Variants in SYNJ2 observed in about 807,000 individuals in gnomAD.
The protein encoded by SYNJ2 is synaptojanin 2.
A neutral mutation model predicts 141.3 loss-of-function variants in SYNJ2; 116 were observed. That is an observed-to-expected ratio of 0.82 (90% CI 0.71 to 0.96). SYNJ2 has a LOEUF of 0.96. Among genes scored for constraint, SYNJ2 ranks in the 40% least tolerant of loss-of-function variants. The pLI is 0.00. For synonymous variants in SYNJ2, 745 were observed against 777.7 expected (o/e 0.96, Z 0.70); for missense variants, 1,873 against 1,934.8 (o/e 0.97, Z 0.60).
chr6:158,087,043 G>T, intron 23 of SYNJ2, 54 bp downstream of exon 23: 1 of 1,565,984 alleles, frequency 6.4e-7, no homozygotes, highest in Non-Finnish European at 8.6e-7. Flanking sequence ...ATAACCGCGC[G>T]TTCCCTGCTA....
At chr6:158,013,477 A>C (rs1283716343) in intron 1 of SYNJ2, among the ~76,000 whole-genome samples, 1 of 152,140 alleles carries the variant, frequency 6.6e-6, no homozygotes, top group African/African-American at 2.4e-5. Flanking sequence ...TTCCTCTGTC[A>C]CCCCAGGTGA....
rs762486517 is a variant in SYNJ2 at position 158,078,296 on chromosome 6, TC to T, written c.2567+17del. The T allele has an allele frequency of 1.3e-6, 2 of 1,571,792 alleles. No individual in the cohort carries two copies. The highest frequency in any genetic ancestry group is 1.8e-6 in the Non-Finnish European group (2 of 1,142,572). On this transcript the variant is annotated intron_variant, in intron 18 of 26. Transcript: ENST00000355585. ...TCTGATCACAGGTGAGGTCCTGACTTCCATGGCGTTTTCTCCTGTGCTGGGC... is the reference window on the plus strand; with the variant it reads ...TCTGATCACAGGTGAGGTCCTGACTTCATGGCGTTTTCTCCTGTGCTGGGC...
chr6:158,083,559 A>G lies in SYNJ2; in HGVS notation c.2996A>G (p.Glu999Gly). The G allele has an allele frequency of 6.2e-7, 1 of 1,614,146 alleles. No homozygotes were observed. The highest frequency in any genetic ancestry group is 8.5e-7 in the Non-Finnish European group (1 of 1,180,030). ...ACTGCCAACTCCTGTTTGCTGGAGG[A>G]AAACTTTGACTTCACAAGTTTGGAC... Reference protein sequence around the residue: ...SPTANSCLLEENFDFTSLDYE... With the variant: ...SPTANSCLLEGNFDFTSLDYE... Residue 999 changes from glutamate to glycine, a missense_variant, in exon 21 of 27, where the codon GAA becomes GGA. Transcript: ENST00000355585.
At chr6:157,990,133 G>A (rs1023831474) in intron 1 of SYNJ2, among the ~76,000 whole-genome samples, 28 of 152,352 alleles carry the variant, frequency 1.8e-4, no homozygotes, top group African/African-American at 6.5e-4. Flanking sequence ...TCGGAGCAGC[G>A]GATTCACTGG....
intron 8 of SYNJ2, 59 bp from the exon 9 acceptor site, chr6:158,063,732 T>C: frequency 7.6e-7 from 1 of 1,313,730 alleles, no homozygotes. Context: ...GCCTCTGTGC[T>C]ATGGCCACTG....
intron 1 of SYNJ2, among the ~76,000 whole-genome samples, chr6:158,002,713 T>G (rs967622997): frequency 3.3e-5 from 5 of 152,090 alleles, no homozygotes; most frequent in African/African-American, 1.2e-4. Flanking sequence ...TTTTTGTGCT[T>G]CTTTCTTGTT....
intron 1 of SYNJ2, among the ~76,000 whole-genome samples, chr6:157,994,417 G>T (rs1777568981): frequency 6.6e-6 from 1 of 152,176 alleles, no homozygotes; most frequent in African/African-American, 2.4e-5. Context: ...GAGGTTGTTT[G>T]TTTTTATTTA....
At chr6:158,000,476 G>A (rs189294780) in intron 1 of SYNJ2, among the ~76,000 whole-genome samples, 1 of 152,110 alleles carries the variant, frequency 6.6e-6, no homozygotes, top group African/African-American at 2.4e-5. Flanking sequence ...CCGTCTCATA[G>A]CCCCTCTAAC....
chr6:158,017,265 C>G lies in SYNJ2; in HGVS notation c.189C>G (p.Cys63Trp), dbSNP rs527793217. ...QYGKLTDAYG[C>W]LGELRLKSGG... ...GCAAGCTCACGGACGCGTACGGCTG[C>G]CTGGGGGAGCTGAGGCTGAAATCTG... The change falls in exon 2 of 27, where the codon TGC (cysteine) becomes TGG (tryptophan). Residue 63 changes from cysteine (C) to tryptophan (W), a missense_variant. By Grantham distance (215) the Cys-to-Trp change is radical. Transcript: ENST00000355585. 6.2e-7 allele frequency: 1 copy of G among 1,613,734 alleles called. No individual in the cohort carries two copies. Among genetic ancestry groups the G allele is most frequent in the African/African-American group, 1.3e-5 (1 of 75,008 alleles).
At chr6:158,090,497 A>G (rs967140264) in intron 25 of SYNJ2, among the ~76,000 whole-genome samples, 3 of 147,200 alleles carry the variant, frequency 2.0e-5, no homozygotes, top group Non-Finnish European at 3.0e-5. Flanking sequence ...TTGTTCCAGA[A>G]TCTCCTAGAG....
chr6:158,019,825 G>A (rs1359946716), intron 2 of SYNJ2, among the ~76,000 whole-genome samples: 2 of 152,260 alleles, frequency 1.3e-5, no homozygotes, highest in Admixed American at 1.3e-4. Flanking sequence ...ATTCTGGAAA[G>A]CACCCTGAGC....
At chr6:158,073,060 AC>A (rs1562384232) in intron 15 of SYNJ2, among the ~76,000 whole-genome samples, 1 of 102,106 alleles carries the variant, frequency 9.8e-6, no homozygotes, top group Non-Finnish European at 2.0e-5. Context: ...ACAGAGCGAG[AC>A]TCTGTCTAAA....
chr6:158,028,122 G>A, intron 2 of SYNJ2: 1 of 153,828 alleles, frequency 6.5e-6, no homozygotes, highest in Non-Finnish European at 1.4e-5. Context: ...GCTCAGGAGA[G>A]CAGCCGGCTG....
intron 5 of SYNJ2, among the ~76,000 whole-genome samples, chr6:158,045,150 C>G (rs1780170540): frequency 6.8e-6 from 1 of 146,772 alleles, no homozygotes; most frequent in African/African-American, 2.5e-5. Context: ...CTCTGTTGCC[C>G]AGGCTGGAGT....
Position 158,059,282 on chromosome 6 carries a change from T to C in SYNJ2, c.883T>C (p.Tyr295His), listed in dbSNP as rs901532450. The C allele has an allele frequency of 2.5e-5, 39 of 1,550,194 alleles. No individual in the cohort carries two copies. Among genetic ancestry groups the C allele is most frequent in the Non-Finnish European group, 3.1e-5 (36 of 1,146,802 alleles). Residue 295 changes from tyrosine to histidine, a missense_variant, in exon 7 of 27, where the codon TAC becomes CAC. Tyr to His is a moderately conservative substitution (Grantham distance 83). Transcript: ENST00000355585. The part of the protein sequence containing the change: ...DRHMVLLKEQ[Y>H]GQQVVVNLLG... ...GCACATGGTGCTTCTGAAGGAGCAGTACGGGCAGCAGGTGGTCGTGAACCT... is the reference window on the plus strand; with the variant it reads ...GCACATGGTGCTTCTGAAGGAGCAGCACGGGCAGCAGGTGGTCGTGAACCT...
At chr6:158,095,114 A>T (rs941864231) in intron 26 of SYNJ2, among the ~76,000 whole-genome samples, 1 of 151,318 alleles carries the variant, frequency 6.6e-6, no homozygotes, top group African/African-American at 2.4e-5. Context: ...GCGCCATTGC[A>T]CTCCAGCCTG....
rs1031894711 is a variant in SYNJ2, at chr6:158,097,963, T to C, written c.*1599T>C. The C allele has an allele frequency of 6.6e-6, 1 of 152,108 alleles. No individual in the cohort carries two copies. Among genetic ancestry groups the C allele is most frequent in the Non-Finnish European group, 1.5e-5 (1 of 68,026 alleles). The allele number at this position is 152,108 out of a possible 1,614,324, so 9.4% of individuals were successfully genotyped here. On this transcript the variant is annotated 3_prime_UTR_variant, in exon 27 of 27. Coordinates refer to ENST00000355585, the MANE Select transcript of SYNJ2 (RefSeq NM_003898.4). ...GTTGGTGGCATTTACGTGCTTTATA[T>C]GATTTTTACCTCTGTAACAAACACA...
intron 1 of SYNJ2, among the ~76,000 whole-genome samples, chr6:157,992,042 T>C (rs535413162): frequency 6.6e-6 from 1 of 152,360 alleles, no homozygotes; most frequent in South Asian, 2.1e-4. Flanking sequence ...CATGAGATAT[T>C]TTGATACAGG....
rs752174550 is a variant in SYNJ2, at chr6:158,095,867, G to A, written c.3994G>A (p.Val1332Ile). The A allele has an allele frequency of 6.2e-7, 1 of 1,613,974 alleles. No individual in the cohort carries two copies. The highest frequency in any genetic ancestry group is 1.3e-5 in the African/African-American group (1 of 74,918). ...GGAGGCGCCGCCTCTTGTGCCCAAG[G>A]TACCCCCGAGGAGGAAGAAGTCAGC... ...PLEAPPLVPKVPPRRKKSAPA... is the reference protein window; with the variant it reads ...PLEAPPLVPKIPPRRKKSAPA... Residue 1332 changes from valine (V) to isoleucine (I), a missense_variant, in exon 27 of 27, where the codon GTA becomes ATA. Val to Ile is a conservative substitution (Grantham distance 29, BLOSUM62 3). Coordinates refer to ENST00000355585, the MANE Select transcript of SYNJ2 (RefSeq NM_003898.4).
Sources: allele counts gnomAD v4.1 joint callset (sites outside exome capture counted in the v4.1 genomes callset), GRCh38; gene constraint gnomAD v4.1.1; transcripts MANE v1.5; gene names NCBI Gene and HGNC (gene_info 2026-07-23, HGNC 2026-07-21).